Variants in PARD3B observed in about 807,000 individuals in gnomAD.
The protein encoded by PARD3B is partitioning defective 3 homolog B.
In PARD3B, 103 loss-of-function variants were observed where a neutral mutation model predicts 130.2. The observed-to-expected ratio is 0.79, with a 90% confidence interval of 0.67 to 0.93. PARD3B has a LOEUF of 0.93. PARD3B is among the 40% of genes least tolerant of loss of function. The pLI, the probability that PARD3B is intolerant of heterozygous loss-of-function variation, is 0.00. For synonymous variants in PARD3B, 583 were observed against 553.2 expected (o/e 1.05, Z -0.76); for missense variants, 1,609 against 1,499.2 (o/e 1.07, Z -1.21).
At chr2:205,081,757 T>C (rs1416045045) in intron 4 of PARD3B, among the ~76,000 whole-genome samples, 1 of 152,174 alleles carries the variant, frequency 6.6e-6, no homozygotes, top group Admixed American at 6.5e-5. Flanking sequence ...TATTATCTTT[T>C]GTATATATTG....
At chr2:205,010,068 G>A (rs1034070615) in intron 3 of PARD3B, among the ~76,000 whole-genome samples, 23 of 152,090 alleles carry the variant, frequency 1.5e-4, no homozygotes, top group African/African-American at 5.1e-4. Context: ...AACCAATATA[G>A]TAATATTTTT....
intron 2 of PARD3B, among the ~76,000 whole-genome samples, chr2:204,700,722 G>T (rs1180607386): frequency 6.6e-6 from 1 of 152,010 alleles, no homozygotes; most frequent in Non-Finnish European, 1.5e-5. Context: ...TTCATCTAAG[G>T]CAGGACAATT....
chr2:204,784,645 ATGT>A lies in PARD3B; in HGVS notation c.222+98369_222+98371del, dbSNP rs1187908971. Among the ~76,000 whole-genome samples, 14 of 152,312 alleles carry A rather than the reference ATGT, an allele frequency of 9.2e-5. No individual in the cohort carries two copies. The East Asian group carries it at 2.7e-3, about 29-fold the overall frequency. On this transcript the variant is annotated intron_variant, in intron 2 of 22. Transcript: ENST00000406610. ...AGGTTGATGTTGGGTACCAAGTTTA[ATGT>A]TGTTGGAACCAAACTACCAAGGCTA...
chr2:204,581,773 A>G (rs1482670774), intron 1 of PARD3B, among the ~76,000 whole-genome samples: 1 of 152,216 alleles, frequency 6.6e-6, no homozygotes, highest in Non-Finnish European at 1.5e-5. Flanking sequence ...TTACACAGCT[A>G]GTAAGGTGGA....
chr2:205,330,792 A>G (rs902209763), intron 18 of PARD3B, among the ~76,000 whole-genome samples: 8 of 152,206 alleles, frequency 5.3e-5, no homozygotes, highest in African/African-American at 1.9e-4. Context: ...CTCCCAAGAC[A>G]GTGCGGAGCA....
At chr2:204,591,836 G>C (rs1410363486) in intron 1 of PARD3B, among the ~76,000 whole-genome samples, 1 of 152,178 alleles carries the variant, frequency 6.6e-6, no homozygotes. Context: ...ATTTCTTGGA[G>C]TGCTGTTGTA....
At chr2:204,817,935 A>C (rs1488492179) in intron 2 of PARD3B, among the ~76,000 whole-genome samples, 2 of 152,164 alleles carry the variant, frequency 1.3e-5, no homozygotes, top group Non-Finnish European at 2.9e-5. Flanking sequence ...TCAGGCAAGC[A>C]GATTAAATAT....
In PARD3B at chr2:204,840,229, A is replaced by G. The variant is rs568900580; in HGVS notation, c.223-124923A>G. Among the ~76,000 whole-genome samples the G allele has an allele frequency of 1.8e-3, 267 of 152,240 alleles. 2 individuals are homozygous for G. Among genetic ancestry groups the G allele is most frequent in the Non-Finnish European group, 3.0e-3 (201 of 68,034 alleles). ...AGAGATTAAGGGTGAAGCAAGTTTT[A>G]AAAATCAGAAGCATTTCCAAATTCA... On this transcript the variant is annotated intron_variant, in intron 2 of 22. Coordinates refer to ENST00000406610, the MANE Select transcript of PARD3B (RefSeq NM_001302769.2).
Position 204,861,162 on chromosome 2 carries a change from TTCTCTCTCTCTCTCTCTCTC to T in PARD3B, c.223-103957_223-103938del, listed in dbSNP as rs60740602. 9.0e-3 allele frequency among the ~76,000 whole-genome samples: 824 copies of T among 91,360 alleles called. 9 individuals are homozygous for T. Among genetic ancestry groups the T allele is most frequent in the African/African-American group, 0.023 (683 of 29,462 alleles). The allele number at this position is 91,360 out of a possible 152,430, so 59.9% of individuals were successfully genotyped here. A position where few individuals can be genotyped will look rare whatever the true frequency, so the allele number is the denominator to read the frequency against. On this transcript the variant is annotated intron_variant, in intron 2 of 22. Coordinates refer to ENST00000406610, the MANE Select transcript of PARD3B (RefSeq NM_001302769.2). The stretch of plus-strand genomic sequence containing the variant: ...TTTCACCTATTGCTACCTAATACCT[TTCTCTCTCTCTCTCTCTCTC>T]TCTCTCTCTCTCTCTCTCTCTCTCT...
At chr2:205,501,453 A>G (rs1394052850) in intron 21 of PARD3B, among the ~76,000 whole-genome samples, 1 of 152,202 alleles carries the variant, frequency 6.6e-6, no homozygotes. Flanking sequence ...AACAGATTAG[A>G]TAACAATTCA....
intron 15 of PARD3B, among the ~76,000 whole-genome samples, chr2:205,221,525 T>C (rs4675503): frequency 0.58 from 87,787 of 151,950 alleles, 25,544 homozygotes; most frequent in Admixed American, 0.67. Context: ...AAGGGAGATG[T>C]GGGTCCTAGG....
At chr2:205,447,073 G>C (rs1275549723) in intron 20 of PARD3B, among the ~76,000 whole-genome samples, 1 of 152,142 alleles carries the variant, frequency 6.6e-6, no homozygotes, top group African/African-American at 2.4e-5. Context: ...AAAAATATGG[G>C]CATTTGTTTC....
chr2:204,911,652 G>T (rs1357431539), intron 2 of PARD3B, among the ~76,000 whole-genome samples: 2 of 152,054 alleles, frequency 1.3e-5, no homozygotes, highest in Non-Finnish European at 2.9e-5. Flanking sequence ...TCCATCCTTG[G>T]TACTTGTATC....
intron 18 of PARD3B, among the ~76,000 whole-genome samples, chr2:205,316,986 C>T (rs1243271301): frequency 6.6e-6 from 1 of 152,146 alleles, no homozygotes; most frequent in Non-Finnish European, 1.5e-5. Flanking sequence ...GGAGATACCA[C>T]AGTGAACAAG....
rs780438153 is a variant in PARD3B, at chr2:204,546,028, C to T, written c.29C>T (p.Thr10Met). Residue 10 changes from threonine to methionine, a missense_variant, in exon 1 of 23, where the codon ACG becomes ATG. By Grantham distance (81) the Thr-to-Met change is moderately conservative. Coordinates refer to ENST00000406610, the MANE Select transcript of PARD3B (RefSeq NM_001302769.2). MKVTVCFGR[T>M]GIVVPCKEGQ... ...AAAGTGACCGTGTGCTTCGGCAGGA[C>T]GGGCATCGTGGTGCCCTGCAAGGAG... The T allele has an allele frequency of 1.3e-6, 2 of 1,567,936 alleles. No homozygotes were observed. Among genetic ancestry groups the T allele is most frequent in the African/African-American group, 1.4e-5 (1 of 73,558 alleles).
intron 4 of PARD3B, among the ~76,000 whole-genome samples, chr2:205,088,287 CAG>C (rs1312908476): frequency 2.0e-5 from 3 of 152,060 alleles, no homozygotes; most frequent in Admixed American, 6.6e-5. Flanking sequence ...TAAAATTTGA[CAG>C]AGTTTGAGCA....
At chr2:204,813,100 A>G (rs1559165449) in intron 2 of PARD3B, among the ~76,000 whole-genome samples, 2 of 152,214 alleles carry the variant, frequency 1.3e-5, no homozygotes. Flanking sequence ...TGGCTGGATC[A>G]TATGATCAGT....
intron 1 of PARD3B, among the ~76,000 whole-genome samples, chr2:204,681,403 G>A (rs1559054932): frequency 6.6e-6 from 1 of 152,112 alleles, no homozygotes; most frequent in Non-Finnish European, 1.5e-5. Context: ...TCCCATTCTA[G>A]TTCTGCTGAA....
chr2:205,073,965 C>T (rs1460942232), intron 4 of PARD3B, among the ~76,000 whole-genome samples: 1 of 152,148 alleles, frequency 6.6e-6, no homozygotes, highest in Non-Finnish European at 1.5e-5. Context: ...TCCTCTTTAT[C>T]TTATTAACAG....
Sources: allele counts gnomAD v4.1 joint callset (sites outside exome capture counted in the v4.1 genomes callset), GRCh38; gene constraint gnomAD v4.1.1; transcripts MANE v1.5; gene names NCBI Gene and HGNC (gene_info 2026-07-23, HGNC 2026-07-21).